RUNDC3B: variants seen among roughly 807,000 people sequenced by gnomAD.
The protein encoded by RUNDC3B is RUN domain containing 3B.
Under a neutral mutation model 58.4 loss-of-function variants are expected in RUNDC3B, and 33 were observed. The ratio of observed to expected loss-of-function variants is 0.56; its 90% confidence interval spans 0.43 to 0.75. RUNDC3B has a LOEUF of 0.75. RUNDC3B is among the 30% of genes least tolerant of loss of function. The probability of loss-of-function intolerance (pLI) is 0.00; values close to 1 mark genes in which losing one functional copy is unlikely to be tolerated. For missense variants in RUNDC3B, 501 were observed against 535.7 expected (o/e 0.94, Z 0.64); for synonymous variants, 193 against 195.2 (o/e 0.99, Z 0.10).
chr7:87,672,992 C>G (rs1273607174), intron 2 of RUNDC3B, among the ~76,000 whole-genome samples: 1 of 152,164 alleles, frequency 6.6e-6, no homozygotes, highest in Non-Finnish European at 1.5e-5. Flanking sequence ...GGTCGGCCAT[C>G]CTGACTACTC....
intron 2 of RUNDC3B, among the ~76,000 whole-genome samples, chr7:87,651,969 T>C (rs1823623606): frequency 6.6e-6 from 1 of 152,134 alleles, no homozygotes; most frequent in African/African-American, 2.4e-5. Context: ...CTTTTTGCTG[T>C]TCTGTGTTTC....
intron 2 of RUNDC3B, among the ~76,000 whole-genome samples, chr7:87,685,885 A>G (rs977773612): frequency 1.3e-5 from 2 of 152,194 alleles, no homozygotes; most frequent in East Asian, 1.9e-4. Context: ...CCCACTTTCG[A>G]TTATAATATG....
At chr7:87,735,638 C>T (rs1464605324) in intron 4 of RUNDC3B, among the ~76,000 whole-genome samples, 1 of 152,092 alleles carries the variant, frequency 6.6e-6, no homozygotes, top group East Asian at 1.9e-4. Context: ...GCCTGCCACT[C>T]AAGAAGTGTT....
chr7:87,672,464 T>C (rs957848237), intron 2 of RUNDC3B, among the ~76,000 whole-genome samples: 16 of 152,124 alleles, frequency 1.1e-4, no homozygotes, highest in African/African-American at 2.4e-5. Context: ...CAGTGGGTCT[T>C]ATCTTGTGGG....
intron 8 of RUNDC3B, among the ~76,000 whole-genome samples, chr7:87,784,400 C>T (rs1313149324): frequency 2.0e-5 from 3 of 151,778 alleles, no homozygotes; most frequent in South Asian, 2.1e-4. Context: ...TTTTCATTTT[C>T]GTTTTTTTAA....
At chr7:87,645,794 T>C (rs2130334054) in intron 1 of RUNDC3B, among the ~76,000 whole-genome samples, 1 of 152,342 alleles carries the variant, frequency 6.6e-6, no homozygotes, top group East Asian at 1.9e-4. Flanking sequence ...TGACTAGCTA[T>C]ATGATTTTAG....
chr7:87,829,062 CTGA>C lies in RUNDC3B; in HGVS notation c.1226-818_1226-816del, dbSNP rs572434470. On this transcript the variant is annotated intron_variant, in intron 10 of 10. Transcript: ENST00000394654. ...CATTGTGGTTTTGATTTGCGTTTCTCTGATGATTACTGATGATGAGCATATATT... is the reference window on the plus strand; with the variant it reads ...CATTGTGGTTTTGATTTGCGTTTCTCTGATTACTGATGATGAGCATATATT... 9.2e-5 allele frequency among the ~76,000 whole-genome samples: 14 copies of C among 152,244 alleles called. No individual in the cohort carries two copies. In the South Asian group the frequency reaches 2.3e-3, roughly 25 times the overall value.
chr7:87,816,275 A>G lies in RUNDC3B; in HGVS notation c.1225+13A>G, dbSNP rs1837026994. On this transcript the variant is annotated intron_variant, in intron 10 of 10. Coordinates refer to ENST00000394654, the MANE Select transcript of RUNDC3B (RefSeq NM_001134405.2). Reference sequence around the variant, plus strand: ...GTAATGAGTGAAGGTAAGAAAACAAAGAACTATTTGAAAATTACTCTTTTC... The same window carrying G: ...GTAATGAGTGAAGGTAAGAAAACAAGGAACTATTTGAAAATTACTCTTTTC... The G allele has an allele frequency of 1.2e-6, 2 of 1,602,448 alleles. No individual in the cohort carries two copies. The highest frequency in any genetic ancestry group is 4.5e-5 in the East Asian group (2 of 44,682).
intron 2 of RUNDC3B, among the ~76,000 whole-genome samples, chr7:87,676,703 CAAAAAA>C (rs57480483): frequency 4.4e-5 from 2 of 45,432 alleles, no homozygotes; most frequent in African/African-American, 1.6e-4. Flanking sequence ...GACCCTGTCT[CAAAAAA>C]AAAAAAAAAA....
chr7:87,797,178 T>G (rs1835867061), intron 8 of RUNDC3B, among the ~76,000 whole-genome samples: 2 of 152,174 alleles, frequency 1.3e-5, no homozygotes, highest in African/African-American at 4.8e-5. Flanking sequence ...TAACTTTATA[T>G]ATAGACTGCA....
chr7:87,733,434 G>A (rs1472214162), intron 4 of RUNDC3B, among the ~76,000 whole-genome samples: 1 of 152,168 alleles, frequency 6.6e-6, no homozygotes, highest in African/African-American at 2.4e-5. Context: ...ATGTATTAAA[G>A]TTTTACACTA....
At chr7:87,750,466 A>G (rs1369974515) in intron 6 of RUNDC3B, among the ~76,000 whole-genome samples, 3 of 151,678 alleles carry the variant, frequency 2.0e-5, no homozygotes, top group African/African-American at 4.8e-5. Flanking sequence ...TGACTTCCAC[A>G]ATGGTTGAAC....
chr7:87,628,581 G>C lies in RUNDC3B; in HGVS notation c.-243G>C. On this transcript the variant is annotated 5_prime_UTR_variant, in exon 1 of 11. Transcript: ENST00000394654. ...CGCCGAGGGCGGAGGTGGTGCGTGC[G>C]TGCGTGTGTGTGTGTGTGTGTGTGT... is the stretch of plus-strand genomic sequence containing the variant. The C allele has an allele frequency of 3.6e-6, 1 of 278,206 alleles. No homozygotes were observed. The highest frequency in any genetic ancestry group is 6.1e-6 in the Non-Finnish European group (1 of 164,876). The allele number at this position is 278,206 out of a possible 1,614,324, so 17.2% of individuals were successfully genotyped here.
At chr7:87,794,625 CAAAA>C (rs199533628) in intron 8 of RUNDC3B, among the ~76,000 whole-genome samples, 1 of 122,538 alleles carries the variant, frequency 8.2e-6, no homozygotes, top group Non-Finnish European at 1.8e-5. Context: ...TTTATAGAAA[CAAAA>C]AAAAAAAAAA....
At chr7:87,748,348 G>C (rs1157019974) in intron 6 of RUNDC3B, among the ~76,000 whole-genome samples, 2 of 152,150 alleles carry the variant, frequency 1.3e-5, no homozygotes, top group Non-Finnish European at 2.9e-5. Context: ...GGTCTTCCAG[G>C]TCCTGCAGGA....
intron 1 of RUNDC3B, among the ~76,000 whole-genome samples, chr7:87,648,255 A>G (rs1200116203): frequency 2.6e-5 from 4 of 152,066 alleles, no homozygotes; most frequent in African/African-American, 9.7e-5. Context: ...CATGAATATA[A>G]AGGGAGTTAC....
At chr7:87,741,702 G>C in intron 6 of RUNDC3B, 123 bp downstream of exon 6, 1 of 587,484 alleles carries the variant, frequency 1.7e-6, no homozygotes, top group Non-Finnish European at 3.0e-6. Flanking sequence ...AATCATTAAA[G>C]GGTACAAGCT....
chr7:87,832,275 A>G lies in RUNDC3B; in HGVS notation c.*2245A>G, dbSNP rs1390705545. 6.6e-6 allele frequency: 1 copy of G among 151,956 alleles called. No homozygotes were observed. The highest frequency in any genetic ancestry group is 1.5e-5 in the Non-Finnish European group (1 of 67,918). 9.4% of individuals were successfully genotyped at this position (151,956 alleles called of 1,614,324 possible). A position where few individuals can be genotyped will look rare whatever the true frequency, so the allele number is the denominator to read the frequency against. On this transcript the variant is annotated 3_prime_UTR_variant, in exon 11 of 11. Transcript: ENST00000394654. ...GATGCGTACTATACTTGTTGCATGT[A>G]TATTAAAAATTTTGTACTATGCATT...
At chr7:87,651,694 A>C (rs948029988) in intron 2 of RUNDC3B, among the ~76,000 whole-genome samples, 1 of 152,130 alleles carries the variant, frequency 6.6e-6, no homozygotes, top group Non-Finnish European at 1.5e-5. Context: ...CTTTGGTAAC[A>C]TAACTTATGA....
Sources: gnomAD v4.1 joint callset for allele counts (sites outside exome capture counted in the v4.1 genomes callset) on GRCh38, gnomAD v4.1.1 for gene constraint, MANE v1.5 for transcripts, NCBI Gene and HGNC (gene_info 2026-07-23, HGNC 2026-07-21) for gene names.